ANP32A: variants seen among roughly 807,000 people sequenced by gnomAD.
ANP32A encodes acidic nuclear phosphoprotein 32 family member A, also known as acidic leucine-rich nuclear phosphoprotein 32 family member A.
A neutral mutation model predicts 33.9 loss-of-function variants in ANP32A; 1 was observed. The observed-to-expected ratio is 0.03, with a 90% confidence interval of 0.01 to 0.14. The LOEUF is 0.14. Among genes scored for constraint, ANP32A ranks in the 10% least tolerant of loss-of-function variants. ANP32A has a pLI of 1.00. For missense variants in ANP32A, 155 were observed against 306.0 expected (o/e 0.51, Z 3.68); for synonymous variants, 115 against 120.5 (o/e 0.95, Z 0.30).
At chr15:68,784,972 A>G (rs530475879) in intron 3 of ANP32A, among the ~76,000 whole-genome samples, 1 of 152,370 alleles carries the variant, frequency 6.6e-6, no homozygotes, top group East Asian at 1.9e-4. Context: ...AAGGAGCCAG[A>G]GGGAAACCAA....
intron 1 of ANP32A, among the ~76,000 whole-genome samples, chr15:68,796,959 G>A (rs1894071698): frequency 6.6e-6 from 1 of 152,108 alleles, no homozygotes; most frequent in Non-Finnish European, 1.5e-5. Context: ...AATTTCATGG[G>A]TCAAGGGGCC....
intron 1 of ANP32A, among the ~76,000 whole-genome samples, chr15:68,800,308 T>C (rs1280459273): frequency 6.6e-6 from 1 of 152,152 alleles, no homozygotes; most frequent in Non-Finnish European, 1.5e-5. Flanking sequence ...CCAGGTACTA[T>C]GCTAGGTGTT....
chr15:68,780,185 C>T lies in ANP32A; in HGVS notation c.689-43G>A. ...CGGCATTTAGATTAGTTATTAATCCCACCTCTTTAACTCAACCCACCCAGT... is the reference window on the plus strand; with the variant it reads ...CGGCATTTAGATTAGTTATTAATCCTACCTCTTTAACTCAACCCACCCAGT... On this transcript the variant is annotated intron_variant, in intron 6 of 6. Coordinates refer to ENST00000465139, the MANE Select transcript of ANP32A (RefSeq NM_006305.4). The surrounding 1 kb of genome is among the most constrained non-coding windows in gnomAD (Gnocchi z 4.3). The T allele has an allele frequency of 6.2e-7, 1 of 1,610,178 alleles. No homozygotes were observed. The highest frequency in any genetic ancestry group is 2.2e-5 in the East Asian group (1 of 44,858).
chr15:68,810,833 G>T (rs1166981113), intron 1 of ANP32A, among the ~76,000 whole-genome samples: 1 of 152,110 alleles, frequency 6.6e-6, no homozygotes, highest in African/African-American at 2.4e-5. Flanking sequence ...GCCGAGGCAG[G>T]CAGATCACTT....
Position 68,779,506 on chromosome 15 carries a change from G to A in ANP32A, c.*575C>T, listed in dbSNP as rs569082168. On this transcript the variant is annotated 3_prime_UTR_variant, in exon 7 of 7. Coordinates refer to ENST00000465139, the MANE Select transcript of ANP32A (RefSeq NM_006305.4). ...CGAAGCCCACCACCATCTGTGAAGG[G>A]GGAAAAGGGATGAGAGATGGGGAAT... 1 of 152,470 alleles carries A rather than the reference G, an allele frequency of 6.6e-6. No individual in the cohort carries two copies. Among genetic ancestry groups the A allele is most frequent in the African/African-American group, 2.4e-5 (1 of 41,572 alleles). 9.4% of individuals were successfully genotyped at this position (152,470 alleles called of 1,614,324 possible). A position where few individuals can be genotyped will look rare whatever the true frequency, so the allele number is the denominator to read the frequency against.
At chr15:68,795,192 G>C (rs1182790038) in intron 1 of ANP32A, among the ~76,000 whole-genome samples, 5 of 152,100 alleles carry the variant, frequency 3.3e-5, no homozygotes, top group African/African-American at 1.2e-4. Flanking sequence ...AGCCTCAACA[G>C]TAGTAGACCC....
rs1192392236 is a variant in ANP32A, at chr15:68,780,818, TGAG to T, written c.625-348_625-346del. ...GCAGCTCTCCAGTCTGCACATTCTCTGAGGAGAACAAGTTCCCGAGCAGACTCC... is the reference window on the plus strand; with the variant it reads ...GCAGCTCTCCAGTCTGCACATTCTCTGAGAACAAGTTCCCGAGCAGACTCC... On this transcript the variant is annotated intron_variant, in intron 5 of 6. Coordinates refer to ENST00000465139, the MANE Select transcript of ANP32A (RefSeq NM_006305.4). The surrounding 1 kb of genome is among the most constrained non-coding windows in gnomAD (Gnocchi z 4.3). The T allele has an allele frequency of 1.5e-5, 3 of 204,226 alleles. No individual in the cohort carries two copies. The highest frequency in any genetic ancestry group is 1.0e-4 in the South Asian group (1 of 9,766). The allele number at this position is 204,226 out of a possible 1,614,324, so 12.7% of individuals were successfully genotyped here.
intron 5 of ANP32A, among the ~76,000 whole-genome samples, chr15:68,782,189 C>G (rs1567033579): frequency 6.6e-6 from 1 of 152,220 alleles, no homozygotes. Flanking sequence ...TCAGAACACA[C>G]AAACACAAAA....
At chr15:68,781,202 G>A (rs1418820423) in intron 5 of ANP32A, 2 of 152,024 alleles carry the variant, frequency 1.3e-5, no homozygotes, top group Non-Finnish European at 1.5e-5. Context: ...CTTCTTTTTT[G>A]TCAAGGGAAA....
chr15:68,811,004 G>T (rs1040606726), intron 1 of ANP32A, among the ~76,000 whole-genome samples: 2 of 147,512 alleles, frequency 1.4e-5, no homozygotes, highest in Non-Finnish European at 3.0e-5. Context: ...AGGTTGCAGT[G>T]AGCTGAGATC....
intron 1 of ANP32A, among the ~76,000 whole-genome samples, chr15:68,818,887 A>T (rs1447880711): frequency 2.0e-5 from 3 of 151,674 alleles, no homozygotes; most frequent in Non-Finnish European, 4.4e-5. Context: ...CCGGGACGAA[A>T]GCGGCCGGAG....
intron 4 of ANP32A, 37 bp from the exon 5 acceptor site, chr15:68,783,090 T>G (rs768182810): frequency 6.4e-7 from 1 of 1,551,006 alleles, no homozygotes; most frequent in Non-Finnish European, 8.7e-7. Context: ...ACAGAACTAG[T>G]GGTGAGCTGG....
chr15:68,796,403 CG>C (rs1477180757), intron 1 of ANP32A, among the ~76,000 whole-genome samples: 3 of 152,094 alleles, frequency 2.0e-5, no homozygotes, highest in Non-Finnish European at 2.9e-5. Context: ...TCAGTAGAGA[CG>C]GGGTTTCACC....
intron 1 of ANP32A, among the ~76,000 whole-genome samples, chr15:68,819,547 C>T (rs1008408477): frequency 5.3e-5 from 8 of 152,268 alleles, no homozygotes; most frequent in African/African-American, 1.9e-4. Flanking sequence ...TAAACGTGGA[C>T]CCAGCCAGTA....
intron 1 of ANP32A, chr15:68,791,343 C>T (rs1893995403): frequency 1.3e-5 from 2 of 152,260 alleles, no homozygotes. Context: ...TTACGCTCTT[C>T]TTTTGTTAGC....
Position 68,779,863 on chromosome 15 carries a change from A to T in ANP32A, c.*218T>A. 1.9e-6 allele frequency: 1 copy of T among 538,372 alleles called. No individual in the cohort carries two copies. The allele number at this position is 538,372 out of a possible 1,614,324, so 33.3% of individuals were successfully genotyped here. ...GACACAAAGAAAAAGTAGGGGAAAA[A>T]AATAAAGAGTGGCAGTAAAAATAGT... On this transcript the variant is annotated 3_prime_UTR_variant, in exon 7 of 7. Transcript: ENST00000465139.
At chr15:68,803,728 G>GA (rs920700081) in intron 1 of ANP32A, among the ~76,000 whole-genome samples, 4 of 145,622 alleles carry the variant, frequency 2.7e-5, no homozygotes, top group East Asian at 2.0e-4. Context: ...ATAATAAATA[G>GA]AAAAAAAATA....
At chr15:68,798,563 C>T (rs1894091732) in intron 1 of ANP32A, among the ~76,000 whole-genome samples, 1 of 152,208 alleles carries the variant, frequency 6.6e-6, no homozygotes, top group Admixed American at 6.5e-5. Context: ...ACAGTTACCC[C>T]ACTGTAGAAT....
intron 1 of ANP32A, among the ~76,000 whole-genome samples, chr15:68,805,930 C>T (rs919501408): frequency 1.1e-4 from 16 of 152,292 alleles, no homozygotes; most frequent in Middle Eastern, 3.4e-3. Flanking sequence ...CTGTCTAGTT[C>T]CTAGAACAGA....
Sources: allele counts gnomAD v4.1 joint callset (sites outside exome capture counted in the v4.1 genomes callset), GRCh38; gene constraint gnomAD v4.1.1; non-coding constraint Gnocchi (gnomAD v3.1); transcripts MANE v1.5; gene names NCBI Gene and HGNC (gene_info 2026-07-23, HGNC 2026-07-21).